Variants in EXOC3L2 observed in about 807,000 individuals in gnomAD.
EXOC3L2 encodes exocyst complex component 3 like 2, also known as exocyst complex component 3-like protein 2.
EXOC3L2 carries 17 observed loss-of-function variants against 44.4 expected under a neutral mutation model. The ratio of observed to expected loss-of-function variants is 0.38; its 90% CI spans 0.26 to 0.57. EXOC3L2 has a LOEUF of 0.57. Among genes scored for constraint, EXOC3L2 ranks in the 20% least tolerant of loss-of-function variants. EXOC3L2 has a pLI of 0.65. For missense variants in EXOC3L2, 541 were observed against 588.4 expected (o/e 0.92, Z 0.83); for synonymous variants, 256 against 253.7 (o/e 1.01, Z -0.09).
rs757297064 is a variant in EXOC3L2 at position 45,218,345 on chromosome 19, C to A, written c.1720-26G>T. Reference sequence around the variant, plus strand: ...CTGGCAGGGACAGAGTAGGGGGTCACGCTCTCCTCCCTCCCACCCTCCCTC... The same window carrying A: ...CTGGCAGGGACAGAGTAGGGGGTCAAGCTCTCCTCCCTCCCACCCTCCCTC... On this transcript the variant is annotated intron_variant, in intron 8 of 11. Transcript: ENST00000413988. 12 of 1,565,380 alleles carry A rather than the reference C, an allele frequency of 7.7e-6. No homozygotes were observed. The Admixed American group carries it at 1.8e-4, about 23-fold the overall frequency.
intron 1 of EXOC3L2, 86 bp from the exon 2 acceptor site, chr19:45,239,147 G>A (rs111712205): frequency 5.0e-5 from 20 of 397,842 alleles, no homozygotes; most frequent in African/African-American, 2.5e-4. Flanking sequence ...GCACTTTGGG[G>A]TGAGCGTACC....
intron 8 of EXOC3L2, among the ~76,000 whole-genome samples, chr19:45,222,376 T>C (rs959489684): frequency 2.6e-5 from 4 of 152,028 alleles, no homozygotes; most frequent in African/African-American, 4.8e-5. Flanking sequence ...ATTTTTTGTA[T>C]TTTTAGTAGA....
At position 45,231,139 on chromosome 19, in the gene EXOC3L2, G is replaced by T. The variant is rs150191999; in HGVS notation, c.1269+624C>A. On this transcript the variant is annotated intron_variant, in intron 4 of 11. Coordinates refer to ENST00000413988, the MANE Select transcript of EXOC3L2 (RefSeq NM_001382422.1). ...TCAATTTGATGAGTTTAAGGATCCA[G>T]ATCTCTTTTCTATGGTTCTAGGCTC... Among the ~76,000 whole-genome samples the T allele has an allele frequency of 9.0e-3, 1,363 of 152,198 alleles. 9 individuals carry two copies. Among genetic ancestry groups the T allele is most frequent in the Middle Eastern group, 0.014 (4 of 294 alleles).
intron 4 of EXOC3L2, among the ~76,000 whole-genome samples, chr19:45,229,941 C>T (rs1343696019): frequency 2.7e-5 from 4 of 148,466 alleles, no homozygotes; most frequent in Admixed American, 6.8e-5. Context: ...AATATGTATA[C>T]ACAAATAATG....
intron 8 of EXOC3L2, among the ~76,000 whole-genome samples, chr19:45,224,099 T>G (rs1421783350): frequency 1.3e-5 from 2 of 150,212 alleles, no homozygotes; most frequent in Non-Finnish European, 3.0e-5. Context: ...GAGGCAGGAA[T>G]GTACTTGCTG....
Position 45,216,125 on chromosome 19 carries a change from G to A in EXOC3L2, c.2068C>T (p.Pro690Ser), listed in dbSNP as rs746231519. Reference protein sequence around the residue: ...LAEVMQLEDTPSIQVEVGVLV... With the variant: ...LAEVMQLEDTSSIQVEVGVLV... ...ACTCCCACCTCCACCTGGATGCTGG[G>A]CGTGTCTTCCAGCTGCATGACTTCA... is the stretch of plus-strand genomic sequence containing the variant. Residue 690 changes from proline to serine, a missense_variant, in exon 11 of 12, where the codon CCC becomes TCC. Pro to Ser is a moderately conservative substitution (Grantham distance 74). Transcript: ENST00000413988. 6.2e-6 allele frequency: 10 copies of A among 1,613,986 alleles called. No individual in the cohort carries two copies. In the East Asian group the frequency reaches 2.2e-4, roughly 36 times the overall value.
intron 1 of EXOC3L2, among the ~76,000 whole-genome samples, chr19:45,241,695 C>T (rs779408883): frequency 6.6e-6 from 1 of 152,150 alleles, no homozygotes; most frequent in South Asian, 2.1e-4. Context: ...TCTACATAGA[C>T]GCCTGTTCTC....
In EXOC3L2 at chr19:45,227,703, G is replaced by C; in HGVS notation, c.1542C>G (p.Ile514Met). The change falls in exon 7 of 12, where the codon ATC (isoleucine) becomes ATG (methionine). Residue 514 changes from isoleucine (I) to methionine (M), a missense_variant. Transcript: ENST00000413988. ...AVREMLPDTY[I>M]SKTIALVNCG... is the part of the protein sequence containing the mutation. The stretch of plus-strand genomic sequence containing the variant: ...AGTTGACCAGGGCGATGGTCTTGCT[G>C]ATATAGGTGTCAGGTAGCATCTCCC... 1.2e-6 allele frequency: 2 copies of C among 1,613,064 alleles called. No individual in the cohort carries two copies. Among genetic ancestry groups the C allele is most frequent in the Non-Finnish European group, 1.7e-6 (2 of 1,179,826 alleles).
chr19:45,240,942 G>A (rs1476263630), intron 1 of EXOC3L2, among the ~76,000 whole-genome samples: 2 of 152,080 alleles, frequency 1.3e-5, no homozygotes, highest in Admixed American at 1.3e-4. Flanking sequence ...CTAGGTATTA[G>A]CCATGGGCCC....
rs982009416 is a variant in EXOC3L2, at chr19:45,238,457, A to ACC, written c.523+64_523+65dup. ...GGGCTTAAGTATGAAGCCTGGGACC[A>ACC]CCAGGGCTGGGGATGGACATGGGCA... On this transcript the variant is annotated intron_variant, in intron 2 of 11. Coordinates refer to ENST00000413988, the MANE Select transcript of EXOC3L2 (RefSeq NM_001382422.1). The surrounding 1 kb of genome is among the most constrained non-coding windows in gnomAD (Gnocchi z 5.5). The ACC allele has an allele frequency of 2.0e-5, 8 of 399,388 alleles. No individual in the cohort carries two copies. The highest frequency in any genetic ancestry group is 3.5e-5 in the Non-Finnish European group (8 of 226,188). The allele number at this position is 399,388 out of a possible 1,614,324, so 24.7% of individuals were successfully genotyped here.
rs1970066998 is a variant in EXOC3L2 at position 45,234,796 on chromosome 19, C to T, written c.554G>A (p.Arg185His). ...GTGCTCGTCCGCACGCGCTAGTTCG[C>T]GCTGCTGGATCAGGCTCAGGATCTC... ...VLEILSLIQQ[R>H]ELARADEHIL... Residue 185 changes from arginine to histidine, a missense_variant, in exon 3 of 12, where the codon CGC (arginine) becomes CAC (histidine). Coordinates refer to ENST00000413988, the MANE Select transcript of EXOC3L2 (RefSeq NM_001382422.1). The surrounding 1 kb of genome is among the most constrained non-coding windows in gnomAD (Gnocchi z 5.0). The T allele has an allele frequency of 5.1e-6, 2 of 395,894 alleles. No homozygotes were observed. Among genetic ancestry groups the T allele is most frequent in the South Asian group, 1.3e-4 (1 of 7,852 alleles). The allele number at this position is 395,894 out of a possible 1,614,324, so 24.5% of individuals were successfully genotyped here. A position where few individuals can be genotyped will look rare whatever the true frequency, so the allele number is the denominator to read the frequency against.
At chr19:45,241,479 A>ACT (rs1970131284) in intron 1 of EXOC3L2, among the ~76,000 whole-genome samples, 1 of 89,952 alleles carries the variant, frequency 1.1e-5, no homozygotes. Flanking sequence ...CTCCATCTCA[A>ACT]AAAAAAAAAA....
chr19:45,225,280 T>A (rs1468367494), intron 7 of EXOC3L2, among the ~76,000 whole-genome samples: 1 of 151,624 alleles, frequency 6.6e-6, no homozygotes, highest in African/African-American at 2.4e-5. Flanking sequence ...TTCTTTTTTT[T>A]TTTTTTGAGA....
rs539517471 is a variant in EXOC3L2 at position 45,237,910 on chromosome 19, G to A, written c.523+613C>T. Among the ~76,000 whole-genome samples the A allele has an allele frequency of 3.1e-3, 477 of 152,274 alleles. 3 individuals are homozygous for A. Among genetic ancestry groups the A allele is most frequent in the Middle Eastern group, 6.8e-3 (2 of 294 alleles). On this transcript the variant is annotated intron_variant, in intron 2 of 11. Coordinates refer to ENST00000413988, the MANE Select transcript of EXOC3L2 (RefSeq NM_001382422.1). ...TGTAATCCCAACATTTTGGGAGGAC[G>A]AGGCAGGCAGATCACTTGAGGTCAG... is the stretch of plus-strand genomic sequence containing the variant.
intron 1 of EXOC3L2, 82 bp from the exon 2 acceptor site, chr19:45,239,143 TG>T (rs1226636251): frequency 7.6e-6 from 3 of 396,394 alleles, no homozygotes; most frequent in Non-Finnish European, 1.3e-5. Flanking sequence ...CCGAGCACTT[TG>T]GGGTGAGCGT....
At chr19:45,232,359 C>A (rs1465929894) in intron 3 of EXOC3L2, among the ~76,000 whole-genome samples, 5 of 152,188 alleles carry the variant, frequency 3.3e-5, no homozygotes, top group African/African-American at 1.2e-4. Context: ...CATTGCCCTA[C>A]AAATTGGACC....
chr19:45,215,898 G>A (rs891414494), intron 11 of EXOC3L2, among the ~76,000 whole-genome samples, 175 bp downstream of exon 11: 2 of 152,204 alleles, frequency 1.3e-5, no homozygotes, highest in Admixed American at 6.5e-5. Flanking sequence ...CAGCAGCGGC[G>A]GCAGGAGAAG....
Position 45,234,079 on chromosome 19 carries a change from A to C in EXOC3L2, c.1157+114T>G. ...ACGACTGGATGGGTTAATGGTGTTA[A>C]AGTGCTAGGACTGTAGGGTCAGCTG... On this transcript the variant is annotated intron_variant, in intron 3 of 11. Transcript: ENST00000413988. This position sits in a 1 kb window ranked among gnomAD's most constrained non-coding sequence, Gnocchi z 5.0. 2.7e-6 allele frequency: 1 copy of C among 372,730 alleles called. No individual in the cohort carries two copies. The highest frequency in any genetic ancestry group is 4.8e-6 in the Non-Finnish European group (1 of 209,324). 23.1% of individuals were successfully genotyped at this position (372,730 alleles called of 1,614,324 possible). A position where few individuals can be genotyped will look rare whatever the true frequency, so the allele number is the denominator to read the frequency against.
intron 9 of EXOC3L2, 44 bp downstream of exon 9, chr19:45,218,153 T>TC: frequency 2.0e-6 from 1 of 496,332 alleles, no homozygotes; most frequent in South Asian, 3.5e-5. Context: ...CCTCCTCCCC[T>TC]CTTTTCCCCC....
Sources: allele counts gnomAD v4.1 joint callset (sites outside exome capture counted in the v4.1 genomes callset), GRCh38; gene constraint gnomAD v4.1.1; non-coding constraint Gnocchi (gnomAD v3.1); transcripts MANE v1.5; gene names NCBI Gene and HGNC (gene_info 2026-07-23, HGNC 2026-07-21).